KCNC4: variants seen among roughly 807,000 people sequenced by gnomAD.
KCNC4 encodes potassium voltage-gated channel subfamily C member 4, also known as voltage-gated potassium channel KCNC4.
A neutral mutation model predicts 42.8 loss-of-function variants in KCNC4; 23 were observed. The observed-to-expected ratio is 0.54, with a 90% confidence interval of 0.39 to 0.76. The LOEUF (loss-of-function observed/expected upper bound fraction) is 0.76. Ranked by LOEUF, KCNC4 falls within the 30% of genes least tolerant of loss-of-function variation. The pLI is 0.00. For synonymous variants in KCNC4, 422 were observed against 393.5 expected (o/e 1.07, Z -0.86); for missense variants, 751 against 898.2 (o/e 0.84, Z 2.10).
chr1:110,226,286 TCTC>T (rs1392135452), intron 3 of KCNC4, 108 bp downstream of exon 3: 1 of 873,870 alleles, frequency 1.1e-6, no homozygotes, highest in South Asian at 1.4e-5. Context: ...GTGGCCGCCA[TCTC>T]CTCTGCCTTG....
intron 3 of KCNC4, among the ~76,000 whole-genome samples, chr1:110,231,453 A>G (rs1040342188): frequency 6.6e-6 from 1 of 152,114 alleles, no homozygotes; most frequent in East Asian, 1.9e-4. Context: ...TAAGGCCATT[A>G]TCTCAGTATG....
chr1:110,256,127 T>G (rs1206662837), intron 1 of KCNC4, among the ~76,000 whole-genome samples: 1 of 152,208 alleles, frequency 6.6e-6, no homozygotes, highest in African/African-American at 2.4e-5. Context: ...TCTTATCCTA[T>G]TCTTGCTATC....
At chr1:110,225,947 C>T (rs1207431320) in intron 2 of KCNC4, 28 bp from the exon 3 acceptor site, 1 of 1,551,446 alleles carries the variant, frequency 6.4e-7, no homozygotes, top group Admixed American at 1.9e-5. Context: ...GCCCCTCATG[C>T]AGCCTCCTTT....
intron 3 of KCNC4, chr1:110,226,445 G>A: frequency 1.9e-6 from 1 of 513,076 alleles, no homozygotes; most frequent in Non-Finnish European, 3.6e-6. Context: ...ACAAGGCCAG[G>A]GTCCCTGCCC....
chr1:110,265,440 T>A (rs1659525554), intron 1 of KCNC4, among the ~76,000 whole-genome samples: 1 of 151,580 alleles, frequency 6.6e-6, no homozygotes, highest in African/African-American at 2.4e-5. Context: ...ACCCAGAGGA[T>A]GGCCCCTAGC....
intron 1 of KCNC4, chr1:110,220,474 C>CCTCT (rs1658037381): frequency 7.0e-6 from 1 of 143,476 alleles, no homozygotes; most frequent in Non-Finnish European, 1.6e-5. Flanking sequence ...TGCCGCCCTC[C>CCTCT]CTCCCTCCCT....
intron 1 of KCNC4, among the ~76,000 whole-genome samples, chr1:110,260,898 C>A (rs995593850): frequency 6.6e-6 from 1 of 152,168 alleles, no homozygotes; most frequent in East Asian, 1.9e-4. Flanking sequence ...CCACTGCACT[C>A]CAGCCTGGGT....
chr1:110,211,442 C>T lies in KCNC4; in HGVS notation c.-58C>T, dbSNP rs1367457644. 5.2e-6 allele frequency: 8 copies of T among 1,534,640 alleles called. No individual in the cohort carries two copies. Among genetic ancestry groups the T allele is most frequent in the African/African-American group, 1.4e-5 (1 of 72,900 alleles). On this transcript the variant is annotated 5_prime_UTR_variant, in exon 1 of 4. Transcript: ENST00000438661. The surrounding 1 kb of genome is among the most constrained non-coding windows in gnomAD (Gnocchi z 6.5). The stretch of plus-strand genomic sequence containing the variant: ...CCTCCCCCGTCTGACGCTGCCTCCT[C>T]GGGAAGGGTGTTTGGAGGGCAGCGG...
chr1:110,279,049 T>C (rs1453047434), intron 1 of KCNC4, among the ~76,000 whole-genome samples: 1 of 152,168 alleles, frequency 6.6e-6, no homozygotes, highest in Non-Finnish European at 1.5e-5. Context: ...CCCACCAGGC[T>C]TGGATTCATA....
chr1:110,218,037 A>G (rs564035132), intron 1 of KCNC4, among the ~76,000 whole-genome samples: 60 of 151,720 alleles, frequency 4.0e-4, no homozygotes, highest in African/African-American at 1.2e-3. Context: ...CTTCTCCTAC[A>G]CTTCATCCTT....
downstream of KCNC4, among the ~76,000 whole-genome samples, chr1:110,254,082 G>T (rs897189973): frequency 9.4e-6 from 1 of 106,070 alleles, no homozygotes; most frequent in Non-Finnish European, 2.0e-5. Flanking sequence ...GAAGAAATAG[G>T]CAGAAGTCGG....
chr1:110,232,275 C>T (rs766124199), intron 3 of KCNC4: 1 of 1,613,946 alleles, frequency 6.2e-7, no homozygotes, highest in Non-Finnish European at 8.5e-7. Context: ...GCTGCATGCC[C>T]TCCAACTGCT....
chr1:110,267,586 G>A (rs1659562043), intron 1 of KCNC4, among the ~76,000 whole-genome samples: 2 of 152,176 alleles, frequency 1.3e-5, no homozygotes, highest in African/African-American at 2.4e-5. Flanking sequence ...CTTAGGATTA[G>A]GTTATGCCCT....
downstream of KCNC4, among the ~76,000 whole-genome samples, chr1:110,250,825 C>T (rs190814321): frequency 6.8e-3 from 1,028 of 152,216 alleles, 5 homozygotes; most frequent in Non-Finnish European, 0.012. Context: ...AGGAGAGGAG[C>T]GGCTGGGGTA....
At chr1:110,266,292 G>A (rs769269282) in intron 1 of KCNC4, among the ~76,000 whole-genome samples, 3 of 152,144 alleles carry the variant, frequency 2.0e-5, no homozygotes, top group South Asian at 2.1e-4. Context: ...ATTCATAGCC[G>A]CAACACCGAA....
chr1:110,241,892 G>A (rs1446702102), exon 4 of KCNC4: 1 of 152,162 alleles, frequency 6.6e-6, no homozygotes, highest in East Asian at 1.9e-4. Flanking sequence ...CCTTATTAAT[G>A]TTTTTACCTC....
At chr1:110,226,245 A>C in intron 3 of KCNC4, 67 bp downstream of exon 3, 1 of 1,416,668 alleles carries the variant, frequency 7.1e-7, no homozygotes, top group Non-Finnish European at 9.9e-7. Context: ...TCCCCCACCA[A>C]GAGCCTGAGG....
chr1:110,260,854 G>C (rs949880652), intron 1 of KCNC4, among the ~76,000 whole-genome samples: 8 of 152,164 alleles, frequency 5.3e-5, no homozygotes, highest in South Asian at 2.1e-4. Flanking sequence ...GGTGTGAACC[G>C]GGGAGGCGGA....
At chr1:110,281,315 G>T (rs1178208204) in intron 1 of KCNC4, among the ~76,000 whole-genome samples, 2 of 152,072 alleles carry the variant, frequency 1.3e-5, no homozygotes, top group Non-Finnish European at 2.9e-5. Context: ...CCCAGGAAAT[G>T]ATGTGGGGCC....
Sources: allele counts gnomAD v4.1 joint callset (sites outside exome capture counted in the v4.1 genomes callset), GRCh38; gene constraint gnomAD v4.1.1; non-coding constraint Gnocchi (gnomAD v3.1); transcripts MANE v1.5; gene names NCBI Gene and HGNC (gene_info 2026-07-23, HGNC 2026-07-21).